LAMC1: variants seen among roughly 807,000 people sequenced by gnomAD.
LAMC1 encodes laminin subunit gamma 1, also known as laminin subunit gamma-1.
Under a neutral mutation model 173.6 loss-of-function variants are expected in LAMC1, and 38 were observed. The ratio of observed to expected loss-of-function variants is 0.22; its 90% confidence interval spans 0.17 to 0.29. The LOEUF is 0.29. LAMC1 is among the 10% of genes least tolerant of loss of function. The pLI is 1.00. For missense variants in LAMC1, 1,824 were observed against 2,051.8 expected (o/e 0.89, Z 2.14); for synonymous variants, 746 against 749.1 (o/e 1.00, Z 0.07).
At position 183,114,524 on chromosome 1, in the gene LAMC1, C is replaced by T. The variant is rs757939958; in HGVS notation, c.1022-7C>T. On this transcript the variant is annotated splice_region_variant and splice_polypyrimidine_tract_variant and intron_variant, in intron 4 of 27. Transcript: ENST00000258341. ...ATCTGATGTAACTCGTGTGTTTTGACTGACAGCCTGTGATTGCAATGGTCG... is the reference window on the plus strand; with the variant it reads ...ATCTGATGTAACTCGTGTGTTTTGATTGACAGCCTGTGATTGCAATGGTCG... The T allele has an allele frequency of 1.3e-5, 21 of 1,614,108 alleles. No individual in the cohort carries two copies. In the Admixed American group the frequency reaches 3.3e-4, roughly 26 times the overall value.
At chr1:183,036,671 G>T (rs910967844) in intron 1 of LAMC1, among the ~76,000 whole-genome samples, 1 of 152,184 alleles carries the variant, frequency 6.6e-6, no homozygotes, top group Non-Finnish European at 1.5e-5. Flanking sequence ...GATTACAGAC[G>T]TGAGCCACTG....
At position 183,070,710 on chromosome 1, in the gene LAMC1, T is replaced by C. The variant is rs528006601; in HGVS notation, c.419-32618T>C. Among the ~76,000 whole-genome samples, 25 of 152,274 alleles carry C rather than the reference T, an allele frequency of 1.6e-4. No homozygotes were observed. The East Asian group carries it at 4.4e-3, about 27-fold the overall frequency. On this transcript the variant is annotated intron_variant, in intron 1 of 27. Coordinates refer to ENST00000258341, the MANE Select transcript of LAMC1 (RefSeq NM_002293.4). Reference sequence around the variant, plus strand: ...AATTTAGGGATTTTTTTTTTCCTGCTTGAATTCAGTAGGGTCTTCCTCAAA... The same window carrying C: ...AATTTAGGGATTTTTTTTTTCCTGCCTGAATTCAGTAGGGTCTTCCTCAAA...
intron 1 of LAMC1, among the ~76,000 whole-genome samples, chr1:183,060,380 C>G (rs1654711668): frequency 6.6e-6 from 1 of 150,884 alleles, no homozygotes; most frequent in Non-Finnish European, 1.5e-5. Context: ...TAGCAAGACC[C>G]CATCTCAAAA....
intron 1 of LAMC1, among the ~76,000 whole-genome samples, chr1:183,028,159 C>G (rs866413247): frequency 5.3e-5 from 8 of 151,860 alleles, no homozygotes; most frequent in Admixed American, 2.0e-4. Context: ...TTCCTCCCCC[C>G]CCCCACCTCT....
intron 1 of LAMC1, among the ~76,000 whole-genome samples, chr1:183,068,674 G>A (rs1465101095): frequency 6.6e-6 from 1 of 152,128 alleles, no homozygotes; most frequent in African/African-American, 2.4e-5. Context: ...GGGCACGGTA[G>A]CTCATGCCTG....
chr1:183,036,196 T>A (rs933756138), intron 1 of LAMC1, among the ~76,000 whole-genome samples: 4 of 151,392 alleles, frequency 2.6e-5, no homozygotes, highest in Non-Finnish European at 5.9e-5. Context: ...CCTCCCGGCT[T>A]CAAGTGATTC....
chr1:183,133,718 C>G (rs1301559290), intron 22 of LAMC1, among the ~76,000 whole-genome samples, 168 bp downstream of exon 22: 2 of 152,144 alleles, frequency 1.3e-5, no homozygotes, highest in African/African-American at 4.8e-5. Flanking sequence ...TGTGGTGGCT[C>G]ATGCCTGTAA....
At chr1:183,095,762 GGTTAATAAGGCATATTCCCCA>G (rs1238390870) in intron 1 of LAMC1, among the ~76,000 whole-genome samples, 2 of 152,110 alleles carry the variant, frequency 1.3e-5, no homozygotes, top group Non-Finnish European at 2.9e-5. Flanking sequence ...ATGGGGTTTG[GGTTAATAAGGCATATTCCCCA>G]GTTCTTGGCT....
chr1:183,090,948 G>T (rs1227575099), intron 1 of LAMC1, among the ~76,000 whole-genome samples: 1 of 152,094 alleles, frequency 6.6e-6, no homozygotes, highest in Non-Finnish European at 1.5e-5. Flanking sequence ...TATTATTACA[G>T]ATTTCATTTT....
chr1:183,115,922 C>T (rs1422831448), intron 6 of LAMC1, among the ~76,000 whole-genome samples: 3 of 152,098 alleles, frequency 2.0e-5, no homozygotes, highest in East Asian at 1.9e-4. Flanking sequence ...GGCTGGATCA[C>T]GAGGTCAGGA....
chr1:183,117,565 T>C lies in LAMC1; in HGVS notation c.1719T>C (p.Tyr573=). 7 of 1,614,198 alleles carry C rather than the reference T, an allele frequency of 4.3e-6. No individual in the cohort carries two copies. Among genetic ancestry groups the C allele is most frequent in the Middle Eastern group, 1.6e-4 (1 of 6,062 alleles). Residue 573 remains tyrosine (Y), a synonymous_variant, in exon 10 of 28, where the codon TAT becomes TAC. Coordinates refer to ENST00000258341, the MANE Select transcript of LAMC1 (RefSeq NM_002293.4). ...TCTTGGGCAAGCAGGTGTTGAGTTATGGTCAGAACCTCTCCTTCTCCTTTC... is the reference window on the plus strand; with the variant it reads ...TCTTGGGCAAGCAGGTGTTGAGTTACGGTCAGAACCTCTCCTTCTCCTTTC... ...AKFLGKQVLS[Y]GQNLSFSFRV...
chr1:183,128,662 G>T lies in LAMC1; in HGVS notation c.3192G>T (p.Glu1064Asp). Residue 1064 changes from glutamate (E) to aspartate (D), a missense_variant, in exon 18 of 28, where the codon GAG (glutamate) becomes GAT (aspartate). Coordinates refer to ENST00000258341, the MANE Select transcript of LAMC1 (RefSeq NM_002293.4). ...SLIANLGTGD[E>D]MVTDQAFEDR... ...TAGCAAACCTTGGAACTGGGGATGA[G>T]ATGGTGACAGATCAAGCCTTCGAGG... 1 of 1,613,794 alleles carries T rather than the reference G, an allele frequency of 6.2e-7. No homozygotes were observed. The highest frequency in any genetic ancestry group is 8.5e-7 in the Non-Finnish European group (1 of 1,179,790).
At chr1:183,101,478 C>T (rs1251569950) in intron 1 of LAMC1, among the ~76,000 whole-genome samples, 2 of 150,912 alleles carry the variant, frequency 1.3e-5, no homozygotes, top group Non-Finnish European at 2.9e-5. Flanking sequence ...GTATAGTATC[C>T]TTTAGTAACT....
intron 1 of LAMC1, among the ~76,000 whole-genome samples, chr1:183,064,746 T>G (rs1231334898): frequency 6.6e-6 from 1 of 152,184 alleles, no homozygotes; most frequent in African/African-American, 2.4e-5. Context: ...TTGTACTGTA[T>G]CGTTCATTAT....
intron 1 of LAMC1, among the ~76,000 whole-genome samples, chr1:183,090,004 G>A (rs1571433238): frequency 6.6e-6 from 1 of 152,188 alleles, no homozygotes; most frequent in African/African-American, 2.4e-5. Context: ...ATGATAAGAA[G>A]TCTCCTCTGT....
chr1:183,071,731 A>G (rs1290046900), intron 1 of LAMC1, among the ~76,000 whole-genome samples: 1 of 152,126 alleles, frequency 6.6e-6, no homozygotes, highest in Non-Finnish European at 1.5e-5. Flanking sequence ...TTTATTGGTG[A>G]TTTCACTGCC....
At chr1:183,101,269 T>C (rs903504662) in intron 1 of LAMC1, among the ~76,000 whole-genome samples, 1 of 152,052 alleles carries the variant, frequency 6.6e-6, no homozygotes, top group African/African-American at 2.4e-5. Context: ...CTGTAATGTC[T>C]TAGATAGTGA....
chr1:183,029,160 A>G (rs1465890939), intron 1 of LAMC1, among the ~76,000 whole-genome samples: 3 of 152,192 alleles, frequency 2.0e-5, no homozygotes, highest in South Asian at 2.1e-4. Flanking sequence ...CTGGGTAGCT[A>G]TAACTTCACC....
chr1:183,071,775 G>A (rs570658728), intron 1 of LAMC1, among the ~76,000 whole-genome samples: 1 of 152,260 alleles, frequency 6.6e-6, no homozygotes, highest in South Asian at 2.1e-4. Context: ...CTGAAGTGCC[G>A]TCTTAAGTTC....
Sources: gnomAD v4.1 joint callset for allele counts (sites outside exome capture counted in the v4.1 genomes callset) on GRCh38, gnomAD v4.1.1 for gene constraint, MANE v1.5 for transcripts, NCBI Gene and HGNC (gene_info 2026-07-23, HGNC 2026-07-21) for gene names.